SAMD5: variants seen among roughly 807,000 people sequenced by gnomAD.
The protein encoded by SAMD5 is sterile alpha motif domain containing 5, also known as sterile alpha motif domain-containing protein 5.
A neutral mutation model predicts 11.3 loss-of-function variants in SAMD5; 13 were observed. That is an observed-to-expected ratio of 1.15 (90% confidence interval 0.75 to 1.83). SAMD5 has a LOEUF of 1.83. Among genes scored for constraint, SAMD5 ranks in the 40% most tolerant of loss-of-function variants. The pLI, the probability that SAMD5 is intolerant of heterozygous loss-of-function variation, is 0.00. For synonymous variants in SAMD5, 129 were observed against 111.3 expected (o/e 1.16, Z -1.00); for missense variants, 255 against 239.1 (o/e 1.07, Z -0.44).
In SAMD5 at chr6:147,568,221, A is replaced by T. The variant is rs567301703; in HGVS notation, c.*3765A>T. The stretch of plus-strand genomic sequence containing the variant: ...ATGGTGGATCGGCAAACTCTTTTCT[A>T]TGAAAAGAAAAACCAGATATACCAG... On this transcript the variant is annotated 3_prime_UTR_variant, in exon 2 of 2. Transcript: ENST00000367474. 2 of 985,382 alleles carry T rather than the reference A, an allele frequency of 2.0e-6. No homozygotes were observed. Among genetic ancestry groups the T allele is most frequent in the South Asian group, 9.4e-5 (2 of 21,290 alleles). 61.0% of individuals were successfully genotyped at this position (985,382 alleles called of 1,614,324 possible). A position where few individuals can be genotyped will look rare whatever the true frequency, so the allele number is the denominator to read the frequency against.
chr6:147,520,565 A>G (rs1788238128), intron 1 of SAMD5, among the ~76,000 whole-genome samples: 1 of 152,314 alleles, frequency 6.6e-6, no homozygotes, highest in Middle Eastern at 3.4e-3. Flanking sequence ...AAAATCGTCT[A>G]TATTACAATT....
At chr6:147,832,388 T>C in the SAMD5 span, among the ~76,000 whole-genome samples, 1 of 152,214 alleles carries the variant, frequency 6.6e-6, no homozygotes, top group East Asian at 1.9e-4. Flanking sequence ...TGAATTTCCC[T>C]GTCTTTTTAT....
At chr6:147,857,583 C>T in the SAMD5 span, among the ~76,000 whole-genome samples, 1 of 150,702 alleles carries the variant, frequency 6.6e-6, no homozygotes, top group Admixed American at 6.6e-5. Flanking sequence ...TTTCTTGGGC[C>T]CCATTTCTGC....
intron 1 of SAMD5, among the ~76,000 whole-genome samples, chr6:147,720,474 A>C (rs1583152757): frequency 7.5e-6 from 1 of 132,830 alleles, no homozygotes; most frequent in Non-Finnish European, 1.7e-5. Context: ...AAAAAAAAAA[A>C]ACCTTCCACG....
At chr6:147,914,337 A>C in the SAMD5 span, among the ~76,000 whole-genome samples, 1 of 152,120 alleles carries the variant, frequency 6.6e-6, no homozygotes, top group Non-Finnish European at 1.5e-5. Flanking sequence ...AACAGACAAC[A>C]ACAACAACGA....
At chr6:147,529,837 T>G (rs928090490) in intron 1 of SAMD5, among the ~76,000 whole-genome samples, 1 of 152,226 alleles carries the variant, frequency 6.6e-6, no homozygotes, top group Admixed American at 6.5e-5. Context: ...AAGACTGTTT[T>G]TGAATATTGT....
In SAMD5 at chr6:147,558,781, C is replaced by T. The variant is rs1472338547; in HGVS notation, c.460-5613C>T. Among the ~76,000 whole-genome samples, 3 of 152,058 alleles carry T rather than the reference C, an allele frequency of 2.0e-5. No homozygotes were observed. The East Asian group carries it at 5.8e-4, about 29-fold the overall frequency. ...TTCTGATTTTGATGAGAAATTACCC[C>T]ACTCCCCTTTAAGGCTAACTCCCAC... On this transcript the variant is annotated intron_variant, in intron 1 of 1. Transcript: ENST00000367474.
the SAMD5 span, among the ~76,000 whole-genome samples, chr6:147,777,924 T>C: frequency 6.6e-6 from 1 of 152,248 alleles, no homozygotes; most frequent in Non-Finnish European, 1.5e-5. Flanking sequence ...TGATGGACAT[T>C]TGGTTGTTTC....
intron 1 of SAMD5, among the ~76,000 whole-genome samples, chr6:147,546,149 G>A (rs1236053294): frequency 6.6e-6 from 1 of 152,162 alleles, no homozygotes; most frequent in South Asian, 2.1e-4. Context: ...TGACTCAGGG[G>A]TCCAAGCTCC....
intron 1 of SAMD5, among the ~76,000 whole-genome samples, chr6:147,725,462 C>T (rs749564437): frequency 4.6e-5 from 7 of 151,176 alleles, no homozygotes; most frequent in Non-Finnish European, 1.0e-4. Flanking sequence ...AATCTCAGCT[C>T]GCTGCAACCT....
the SAMD5 span, among the ~76,000 whole-genome samples, chr6:147,871,453 A>T: frequency 6.6e-6 from 1 of 152,246 alleles, no homozygotes; most frequent in African/African-American, 2.4e-5. Flanking sequence ...AAACAAAAAC[A>T]AAAACAGGAC....
At chr6:147,511,753 G>A (rs1788094621) in intron 1 of SAMD5, among the ~76,000 whole-genome samples, 1 of 152,068 alleles carries the variant, frequency 6.6e-6, no homozygotes, top group Admixed American at 6.6e-5. Context: ...CAAATGTTTA[G>A]TACCAGATCA....
chr6:147,621,765 A>G (rs941056436), intron 1 of SAMD5, among the ~76,000 whole-genome samples: 7 of 152,158 alleles, frequency 4.6e-5, no homozygotes, highest in African/African-American at 1.7e-4. Flanking sequence ...ACCTGGGGCC[A>G]TGGCAGGCAT....
At chr6:147,530,156 C>T (rs1411585170) in intron 1 of SAMD5, among the ~76,000 whole-genome samples, 1 of 152,216 alleles carries the variant, frequency 6.6e-6, no homozygotes, top group East Asian at 1.9e-4. Flanking sequence ...AGAGGTTTCG[C>T]TGCAGAAAGG....
intron 1 of SAMD5, chr6:147,729,989 G>C (rs1264489531): frequency 2.4e-6 from 1 of 408,804 alleles, no homozygotes; most frequent in Non-Finnish European, 4.8e-6. Context: ...GGAGGCTGAG[G>C]CAGAAGAATT....
At chr6:147,754,509 G>A in the SAMD5 span, among the ~76,000 whole-genome samples, 1 of 151,962 alleles carries the variant, frequency 6.6e-6, no homozygotes, top group Non-Finnish European at 1.5e-5. Flanking sequence ...CATTCTGTGG[G>A]TTATCTACTC....
At chr6:147,683,160 A>G (rs1012963698) in intron 1 of SAMD5, among the ~76,000 whole-genome samples, 1 of 152,222 alleles carries the variant, frequency 6.6e-6, no homozygotes, top group East Asian at 1.9e-4. Flanking sequence ...ACTGCGTGCC[A>G]TTTGAAATGC....
At chr6:147,602,248 T>A (rs931503577) in intron 1 of SAMD5, among the ~76,000 whole-genome samples, 12 of 152,236 alleles carry the variant, frequency 7.9e-5, no homozygotes, top group African/African-American at 2.4e-4. Flanking sequence ...TGACATAACA[T>A]TTTCAATTCT....
At chr6:147,909,625 TTTCTTTC>T in the SAMD5 span, among the ~76,000 whole-genome samples, 1 of 64,658 alleles carries the variant, frequency 1.5e-5, no homozygotes, top group African/African-American at 9.5e-5. Context: ...TCTTTCTTTC[TTTCTTTC>T]TCTTTCTTGT....
Sources: allele counts gnomAD v4.1 joint callset (sites outside exome capture counted in the v4.1 genomes callset), GRCh38; gene constraint gnomAD v4.1.1; transcripts MANE v1.5; gene names NCBI Gene and HGNC (gene_info 2026-07-23, HGNC 2026-07-21).